The following ENOX2 variants were observed in gnomAD, a reference collection of about 807,000 sequenced individuals.
ENOX2 encodes the protein ecto-NOX disulfide-thiol exchanger 2.
ENOX2 carries 36 observed loss-of-function variants against 45.0 expected under a neutral mutation model. The ratio of observed to expected loss-of-function variants is 0.80; its 90% confidence interval spans 0.61 to 1.06. The LOEUF is 1.06. ENOX2 is among the 50% of genes least tolerant of loss of function. The probability of loss-of-function intolerance (pLI) is 0.00; values close to 1 mark genes in which losing one functional copy is unlikely to be tolerated. For synonymous variants in ENOX2, 174 were observed against 152.3 expected (o/e 1.14, Z -1.05); for missense variants, 423 against 462.5 (o/e 0.91, Z 0.78).
chrX:130,663,799 T>C (rs1450934208), intron 9 of ENOX2, among the ~76,000 whole-genome samples: 1 of 111,587 alleles, frequency 9.0e-6, no homozygotes, highest in East Asian at 2.8e-4. Context: ...AACTGAAGAC[T>C]GGATATTTTA....
intron 10 of ENOX2, among the ~76,000 whole-genome samples, chrX:130,654,270 C>T (rs1362412544): frequency 1.8e-5 from 2 of 111,640 alleles, no homozygotes; most frequent in Non-Finnish European, 3.8e-5. Context: ...AGTACTGCAT[C>T]ACAAATATGG....
In ENOX2 at chrX:130,667,666, G is replaced by A. The variant is rs764967293; in HGVS notation, c.771C>T (p.Ala257=). 6 of 1,209,345 alleles carry A rather than the reference G, an allele frequency of 5.0e-6. No individual in the cohort carries two copies. In the African/African-American group the frequency reaches 7.0e-5, roughly 14 times the overall value. The stretch of plus-strand genomic sequence containing the variant: ...ACTGGATCATGGAGTAGAAGTTATT[G>A]GCGCTACGACGGTTGACCTCTCCTC... ...IERGEVNRRS[A]NNFYSMIQSA... The change falls in exon 8 of 15, where the codon GCC becomes GCT. Residue 257 remains alanine (A), a synonymous_variant. Coordinates refer to ENST00000394363, the MANE Select transcript of ENOX2 (RefSeq NM_006375.4).
intron 10 of ENOX2, among the ~76,000 whole-genome samples, chrX:130,641,137 G>A (rs2036069664): frequency 9.0e-6 from 1 of 111,198 alleles, no homozygotes; most frequent in African/African-American, 3.3e-5. Flanking sequence ...CACGAGACAG[G>A]ATAAATGCCA....
At chrX:130,640,926 A>G (rs1307181255) in intron 10 of ENOX2, among the ~76,000 whole-genome samples, 2 of 112,105 alleles carry the variant, frequency 1.8e-5, no homozygotes, top group Non-Finnish European at 3.8e-5. Context: ...AAAGTTGAAA[A>G]TAAAAAAAAT....
intron 9 of ENOX2, among the ~76,000 whole-genome samples, chrX:130,661,464 C>A (rs138432120): frequency 2.5e-4 from 28 of 111,688 alleles, no homozygotes; most frequent in African/African-American, 8.8e-4. Flanking sequence ...ACTGAGATTA[C>A]AGGCATGAGC....
At chrX:130,800,354 A>C (rs1048977693) in intron 2 of ENOX2, among the ~76,000 whole-genome samples, 3 of 110,692 alleles carry the variant, frequency 2.7e-5, no homozygotes, top group African/African-American at 9.8e-5. Flanking sequence ...AAAAAAAAAA[A>C]AAAACTAATC....
chrX:130,847,443 G>T (rs747459955), intron 2 of ENOX2, among the ~76,000 whole-genome samples: 27 of 111,627 alleles, frequency 2.4e-4, no homozygotes, highest in African/African-American at 7.8e-4. Context: ...GATTGATGTT[G>T]CCTTGAATCC....
In ENOX2 at chrX:130,856,789, A is replaced by G. The variant is rs775445601; in HGVS notation, c.-183+44895T>C. Among the ~76,000 whole-genome samples, 19 of 111,963 alleles carry G rather than the reference A, an allele frequency of 1.7e-4. No homozygotes were observed. In the South Asian group the frequency reaches 3.0e-3, roughly 18 times the overall value. ...GTCACAGTAAATTTGAAACTATTTA[A>G]ATCATATAGAACATCTTCTTTGGCA... is the stretch of plus-strand genomic sequence containing the variant. On this transcript the variant is annotated intron_variant, in intron 2 of 14. Transcript: ENST00000394363.
chrX:130,847,014 A>G (rs1008745433), intron 2 of ENOX2, among the ~76,000 whole-genome samples: 16 of 112,445 alleles, frequency 1.4e-4, no homozygotes, highest in African/African-American at 4.8e-4. Context: ...AGGAGGCTGT[A>G]ATAAATGAGA....
chrX:130,809,629 T>C lies in ENOX2; in HGVS notation c.-182-25939A>G, dbSNP rs781059311. 2.7e-5 allele frequency among the ~76,000 whole-genome samples: 3 copies of C among 112,037 alleles called. No homozygotes were observed. In the East Asian group the frequency reaches 8.4e-4, roughly 31 times the overall value. On this transcript the variant is annotated intron_variant, in intron 2 of 14. Coordinates refer to ENST00000394363, the MANE Select transcript of ENOX2 (RefSeq NM_006375.4). ...TTTGTCTCCCTCTTCTCATTCTTTA[T>C]GTATTAAAATTGTGAGTAGAACAAT...
intron 10 of ENOX2, among the ~76,000 whole-genome samples, chrX:130,645,329 G>A (rs1002512551): frequency 1.8e-5 from 2 of 111,592 alleles, no homozygotes; most frequent in African/African-American, 6.5e-5. Flanking sequence ...ATTTTGAGCC[G>A]TCTCCTCAAC....
At chrX:130,627,443 T>C (rs184016390) in intron 14 of ENOX2, among the ~76,000 whole-genome samples, 29 of 110,686 alleles carry the variant, frequency 2.6e-4, no homozygotes, top group Non-Finnish European at 3.2e-4. Context: ...TAGCCAGGCA[T>C]GGTGGCATGC....
At chrX:130,666,731 C>A (rs1233685683) in intron 8 of ENOX2, among the ~76,000 whole-genome samples, 1 of 111,572 alleles carries the variant, frequency 9.0e-6, no homozygotes, top group Non-Finnish European at 1.9e-5. Context: ...GCAAATGGAA[C>A]AACTCCCCCT....
chrX:130,715,896 C>G (rs2038317629), intron 3 of ENOX2, among the ~76,000 whole-genome samples: 1 of 111,711 alleles, frequency 9.0e-6, no homozygotes, highest in Admixed American at 9.5e-5. Context: ...CAAAACAGAT[C>G]TATTGTGGTG....
At chrX:130,687,293 G>A (rs1487884311) in intron 5 of ENOX2, among the ~76,000 whole-genome samples, 1 of 111,966 alleles carries the variant, frequency 8.9e-6, no homozygotes, top group Admixed American at 9.4e-5. Context: ...ATATATTTGA[G>A]ACAATGAAAG....
intron 2 of ENOX2, among the ~76,000 whole-genome samples, chrX:130,788,930 C>T (rs2077004179): frequency 8.9e-6 from 1 of 111,897 alleles, no homozygotes; most frequent in African/African-American, 3.2e-5. Context: ...CATGTGGTAA[C>T]GTAATCTCAT....
chrX:130,880,881 G>T (rs183842484), intron 2 of ENOX2, among the ~76,000 whole-genome samples: 4 of 112,225 alleles, frequency 3.6e-5, no homozygotes, highest in Non-Finnish European at 3.8e-5. Flanking sequence ...AATCCCTTCT[G>T]AGGATAACTC....
At chrX:130,834,951 T>C (rs1281139580) in intron 2 of ENOX2, among the ~76,000 whole-genome samples, 1 of 111,323 alleles carries the variant, frequency 9.0e-6, no homozygotes, top group Non-Finnish European at 1.9e-5. Context: ...TCCTCCACCA[T>C]AGAGAAACAC....
In ENOX2 at chrX:130,747,283, AC is replaced by A. The variant is rs1479318419; in HGVS notation, c.-39+36263del. ...TACTAAGTTTTTGTTTTTTTTTTCA[AC>A]TCACTTAAGACAGCAATTAGCACTT... On this transcript the variant is annotated intron_variant, in intron 3 of 14. Transcript: ENST00000394363. 1.7e-4 allele frequency among the ~76,000 whole-genome samples: 19 copies of A among 111,106 alleles called. 1 individual carries two copies. In the Admixed American group the frequency reaches 1.8e-3, roughly 11 times the overall value.
Sources: gnomAD v4.1 joint callset for allele counts (sites outside exome capture counted in the v4.1 genomes callset) on GRCh38, gnomAD v4.1.1 for gene constraint, MANE v1.5 for transcripts, NCBI Gene and HGNC (gene_info 2026-07-23, HGNC 2026-07-21) for gene names.